Variants in ANAPC10 observed in about 807,000 individuals in gnomAD.
ANAPC10 encodes the protein anaphase promoting complex subunit 10.
Under a neutral mutation model 22.0 loss-of-function variants are expected in ANAPC10, and 12 were observed. That is an observed-to-expected ratio of 0.55 (90% CI 0.35 to 0.88). The LOEUF is 0.88. Among genes scored for constraint, ANAPC10 ranks in the 40% least tolerant of loss-of-function variants. The pLI is 0.01. For synonymous variants in ANAPC10, 65 were observed against 69.5 expected, an observed-to-expected ratio of 0.94 and a Z score of 0.32; for missense variants, 188 against 220.9, an observed-to-expected ratio of 0.85 and a Z score of 0.94.
At chr4:145,016,694 G>A (rs1428646952) in intron 4 of ANAPC10, among the ~76,000 whole-genome samples, 2 of 152,180 alleles carry the variant, frequency 1.3e-5, no homozygotes, top group East Asian at 3.9e-4. Context: ...CAAAGCTGGA[G>A]GCATCATGCT....
chr4:144,997,762 T>C (rs1021230672), intron 4 of ANAPC10, among the ~76,000 whole-genome samples: 2 of 151,908 alleles, frequency 1.3e-5, no homozygotes, highest in Non-Finnish European at 2.9e-5. Context: ...GGCTAAATGC[T>C]CCAATTGAAA....
intron 4 of ANAPC10, among the ~76,000 whole-genome samples, chr4:144,997,256 C>T (rs138938972): frequency 2.0e-5 from 3 of 152,060 alleles, no homozygotes; most frequent in East Asian, 1.9e-4. Context: ...AGATACTCCT[C>T]GAGAAGAGCA....
At chr4:145,035,128 A>G (rs987313748) in intron 4 of ANAPC10, 4 of 152,276 alleles carry the variant, frequency 2.6e-5, no homozygotes, top group Admixed American at 2.6e-4. Flanking sequence ...AGATTTGGAA[A>G]GCAGGATGTG....
intron 4 of ANAPC10, among the ~76,000 whole-genome samples, chr4:145,029,626 G>A (rs1386364393): frequency 6.6e-6 from 1 of 152,148 alleles, no homozygotes; most frequent in Non-Finnish European, 1.5e-5. Context: ...TAATGTTGCA[G>A]CTCAAGGAGT....
At chr4:145,012,188 A>G (rs1200451385) in intron 4 of ANAPC10, among the ~76,000 whole-genome samples, 2 of 148,150 alleles carry the variant, frequency 1.3e-5, no homozygotes, top group Non-Finnish European at 3.0e-5. Context: ...ATATATATAT[A>G]TATATATACA....
intron 4 of ANAPC10, among the ~76,000 whole-genome samples, chr4:145,047,478 T>C (rs927486789): frequency 3.9e-5 from 6 of 152,168 alleles, no homozygotes; most frequent in African/African-American, 1.4e-4. Context: ...GATAATTCCA[T>C]GCTACCGATA....
intron 4 of ANAPC10, among the ~76,000 whole-genome samples, chr4:145,007,811 A>G (rs1733639126): frequency 6.6e-6 from 1 of 152,146 alleles, no homozygotes; most frequent in African/African-American, 2.4e-5. Flanking sequence ...GCAGAAGGCA[A>G]GAAATAACTA....
chr4:145,072,471 A>G (rs1047211891), intron 3 of ANAPC10, among the ~76,000 whole-genome samples: 1 of 152,224 alleles, frequency 6.6e-6, no homozygotes, highest in African/African-American at 2.4e-5. Context: ...ATAAACTCCA[A>G]ATTGAACCTC....
At chr4:145,083,086 T>C (rs1746313661) in intron 2 of ANAPC10, among the ~76,000 whole-genome samples, 1 of 152,196 alleles carries the variant, frequency 6.6e-6, no homozygotes, top group Non-Finnish European at 1.5e-5. Flanking sequence ...TGGTGTTTTT[T>C]AATTTTACTT....
intron 2 of ANAPC10, among the ~76,000 whole-genome samples, chr4:145,089,588 T>C (rs143622308): frequency 6.9e-4 from 105 of 152,300 alleles, no homozygotes; most frequent in Non-Finnish European, 1.3e-3. Flanking sequence ...AATTGTAAGA[T>C]TGTTTTGTGG....
chr4:145,051,929 C>CTAA (rs1741162979), intron 4 of ANAPC10, among the ~76,000 whole-genome samples: 1 of 152,078 alleles, frequency 6.6e-6, no homozygotes, highest in African/African-American at 2.4e-5. Context: ...TTCACATAGT[C>CTAA]TGATTACTTA....
intron 2 of ANAPC10, among the ~76,000 whole-genome samples, chr4:145,090,585 T>C (rs144013379): frequency 8.9e-4 from 136 of 152,350 alleles, no homozygotes; most frequent in African/African-American, 2.8e-3. Flanking sequence ...GAGTCTGTCT[T>C]GAATTCCAGA....
chr4:145,029,910 T>C (rs1248121153), intron 4 of ANAPC10, among the ~76,000 whole-genome samples: 1 of 152,158 alleles, frequency 6.6e-6, no homozygotes, highest in Non-Finnish European at 1.5e-5. Flanking sequence ...CTATAATTGC[T>C]CTTCTCTGTA....
intron 3 of ANAPC10, among the ~76,000 whole-genome samples, chr4:145,066,172 A>G (rs757370184): frequency 5.9e-5 from 9 of 152,186 alleles, no homozygotes; most frequent in Non-Finnish European, 8.8e-5. Flanking sequence ...AAGGAGACCA[A>G]ACTTCTGTAG....
chr4:145,063,646 C>T (rs1377582033), intron 4 of ANAPC10, among the ~76,000 whole-genome samples: 1 of 152,102 alleles, frequency 6.6e-6, no homozygotes, highest in Non-Finnish European at 1.5e-5. Flanking sequence ...TCAACAGCCA[C>T]AGCTTCACAA....
At chr4:145,046,057 G>C (rs567623002) in intron 4 of ANAPC10, among the ~76,000 whole-genome samples, 1 of 152,016 alleles carries the variant, frequency 6.6e-6, no homozygotes, top group South Asian at 2.1e-4. Flanking sequence ...CCTGTTACAG[G>C]AGCGCACCCT....
chr4:145,051,599 G>C (rs1308595192), intron 4 of ANAPC10, among the ~76,000 whole-genome samples: 2 of 152,082 alleles, frequency 1.3e-5, no homozygotes, highest in Non-Finnish European at 2.9e-5. Context: ...ATAGTACTTA[G>C]TATACAATGA....
chr4:145,081,642 T>G lies in ANAPC10; in HGVS notation c.206+18A>C, dbSNP rs1746028860. 1.3e-6 allele frequency: 2 copies of G among 1,556,836 alleles called. No individual in the cohort carries two copies. The highest frequency in any genetic ancestry group is 4.5e-5 in the East Asian group (2 of 44,356). Reference sequence around the variant, plus strand: ...TATAACCTACAGTAGATGAAAAATTTGAAAATGTATTAATTACCTGAATTG... The same window carrying G: ...TATAACCTACAGTAGATGAAAAATTGGAAAATGTATTAATTACCTGAATTG... On this transcript the variant is annotated intron_variant, in intron 3 of 4. Transcript: ENST00000507656.
At chr4:145,020,102 T>A (rs927676768) in intron 4 of ANAPC10, among the ~76,000 whole-genome samples, 5 of 152,056 alleles carry the variant, frequency 3.3e-5, no homozygotes, top group African/African-American at 1.2e-4. Context: ...AGCATCACCC[T>A]AATACCAAAA....
Sources: gnomAD v4.1 joint callset for allele counts (sites outside exome capture counted in the v4.1 genomes callset) on GRCh38, gnomAD v4.1.1 for gene constraint, MANE v1.5 for transcripts, NCBI Gene and HGNC (gene_info 2026-07-23, HGNC 2026-07-21) for gene names.